WWP2: variants seen among roughly 807,000 people sequenced by gnomAD.
WWP2 encodes WW domain containing E3 ubiquitin protein ligase 2.
Under a neutral mutation model 121.0 loss-of-function variants are expected in WWP2, and 57 were observed. That is an observed-to-expected ratio of 0.47 (90% CI 0.38 to 0.59). WWP2 has a LOEUF of 0.59. Ranked by LOEUF, WWP2 falls within the 20% of genes least tolerant of loss-of-function variation. The pLI is 0.00. For synonymous variants in WWP2, 449 were observed against 441.3 expected (o/e 1.02, Z -0.22); for missense variants, 962 against 1,158.9 (o/e 0.83, Z 2.47).
chr16:69,831,941 G>A (rs1302442658), intron 4 of WWP2, among the ~76,000 whole-genome samples: 1 of 143,038 alleles, frequency 7.0e-6, no homozygotes, highest in Non-Finnish European at 1.5e-5. Context: ...CGATTATTCC[G>A]CCTCAGCCCC....
chr16:69,786,909 C>G, intron 1 of WWP2, 87 bp from the exon 2 acceptor site: 1 of 1,230,650 alleles, frequency 8.1e-7, no homozygotes. Context: ...TTGCCTGTTT[C>G]TTTAAGCTTA....
At chr16:69,838,737 A>G (rs2151868697) in intron 4 of WWP2, 1 of 985,422 alleles carries the variant, frequency 1.0e-6, no homozygotes, top group East Asian at 1.1e-4. Flanking sequence ...TACAAGTGTT[A>G]TTTTATAGAA....
At chr16:69,890,519 T>A (rs1166109766) in intron 8 of WWP2, among the ~76,000 whole-genome samples, 3 of 152,026 alleles carry the variant, frequency 2.0e-5, no homozygotes, top group African/African-American at 7.3e-5. Context: ...TGGTTTGTAA[T>A]TTCAAGCCTG....
intron 6 of WWP2, among the ~76,000 whole-genome samples, chr16:69,855,110 G>A (rs1199510653): frequency 6.6e-6 from 1 of 152,232 alleles, no homozygotes; most frequent in Non-Finnish European, 1.5e-5. Context: ...GCCTTCCAAA[G>A]TGCTGGGATT....
intron 4 of WWP2, among the ~76,000 whole-genome samples, chr16:69,814,035 C>T (rs1198276321): frequency 6.6e-6 from 1 of 152,176 alleles, no homozygotes; most frequent in African/African-American, 2.4e-5. Context: ...GGAAATATGT[C>T]AGACACCTAA....
intron 8 of WWP2, among the ~76,000 whole-genome samples, chr16:69,904,860 A>G (rs898939917): frequency 6.6e-6 from 1 of 152,222 alleles, no homozygotes; most frequent in African/African-American, 2.4e-5. Flanking sequence ...ATGCTATTTA[A>G]TGGTGTTTGT....
chr16:69,779,279 A>T (rs1028145820), intron 1 of WWP2, among the ~76,000 whole-genome samples: 5 of 152,168 alleles, frequency 3.3e-5, no homozygotes, highest in Non-Finnish European at 5.9e-5. Flanking sequence ...TTATGCATCA[A>T]TTGGAAAGGT....
At position 69,930,257 on chromosome 16, in the gene WWP2, G is replaced by T. The variant is rs2058693463; in HGVS notation, c.1444G>T (p.Gly482Trp). 3.1e-6 allele frequency: 5 copies of T among 1,613,880 alleles called. No individual in the cohort carries two copies. Among genetic ancestry groups the T allele is most frequent in the Non-Finnish European group, 3.4e-6 (4 of 1,179,866 alleles). ...GGATCCTCGCCCGGGGTTTGAGTCG[G>T]GGTAAGGACTTTGTGCAGGTAGCAG... ...FKDPRPGFESGTKQGSPGAYD... is the reference protein window; with the variant it reads ...FKDPRPGFESWTKQGSPGAYD... The change falls in exon 13 of 24, where the codon GGG (glycine) becomes TGG (tryptophan). Residue 482 changes from glycine (G) to tryptophan (W), a missense_variant and splice_region_variant. By Grantham distance (184) the Gly-to-Trp change is radical (BLOSUM62 -2). Transcript: ENST00000359154.
intron 4 of WWP2, among the ~76,000 whole-genome samples, chr16:69,820,827 C>T (rs922959415): frequency 7.9e-5 from 4 of 50,476 alleles, no homozygotes; most frequent in Admixed American, 2.7e-4. Context: ...CATGCATATA[C>T]ACACACACAC....
intron 6 of WWP2, among the ~76,000 whole-genome samples, chr16:69,869,462 G>A (rs72785033): frequency 0.055 from 8,310 of 150,900 alleles, 286 homozygotes; most frequent in Middle Eastern, 0.11. Flanking sequence ...TCCTGCCTTG[G>A]CCTCCCAAGT....
chr16:69,773,486 C>CT (rs1264783224), intron 1 of WWP2, among the ~76,000 whole-genome samples: 2 of 149,352 alleles, frequency 1.3e-5, no homozygotes, highest in Admixed American at 6.7e-5. Context: ...GCCACCTTTT[C>CT]TTTTTTTTCT....
Position 69,897,675 on chromosome 16 carries a change from C to T in WWP2, c.914+9426C>T, listed in dbSNP as rs549063128. On this transcript the variant is annotated intron_variant, in intron 8 of 23. Transcript: ENST00000359154. ...CTGTAATCCCAGCACTTTGGGAGGC[C>T]GAGCTGGGTGGATCACAAGGTCAGG... Among the ~76,000 whole-genome samples the T allele has an allele frequency of 5.7e-4, 87 of 152,100 alleles. 3 individuals are homozygous for T. In the South Asian group the frequency reaches 0.017, roughly 29 times the overall value.
At chr16:69,810,553 G>T (rs150645041) in intron 4 of WWP2, among the ~76,000 whole-genome samples, 2 of 150,548 alleles carry the variant, frequency 1.3e-5, no homozygotes, top group African/African-American at 4.9e-5. Flanking sequence ...TCAGCCTCCC[G>T]AGTAGCTGGG....
intron 4 of WWP2, among the ~76,000 whole-genome samples, chr16:69,814,148 A>G (rs1411028374): frequency 3.9e-5 from 6 of 152,108 alleles, no homozygotes; most frequent in African/African-American, 7.2e-5. Flanking sequence ...TTGCATACCA[A>G]ATGTGGGGTC....
chr16:69,867,699 A>G (rs1470743005), intron 6 of WWP2, among the ~76,000 whole-genome samples: 1 of 152,222 alleles, frequency 6.6e-6, no homozygotes, highest in African/African-American at 2.4e-5. Flanking sequence ...GACACACCGC[A>G]TCCTGAGAAG....
intron 4 of WWP2, chr16:69,827,853 C>T (rs572754647): frequency 4.4e-6 from 2 of 454,536 alleles, no homozygotes; most frequent in East Asian, 1.4e-4. Context: ...ATAATTTATT[C>T]TAAAGACTTA....
intron 4 of WWP2, chr16:69,838,997 G>C (rs2056926214): frequency 2.9e-6 from 1 of 350,608 alleles, no homozygotes; most frequent in Non-Finnish European, 3.9e-6. Flanking sequence ...GTCTTTTTTG[G>C]GGGGGTGGGG....
chr16:69,878,186 C>G (rs1334504090), intron 7 of WWP2, among the ~76,000 whole-genome samples: 2 of 152,140 alleles, frequency 1.3e-5, no homozygotes, highest in African/African-American at 4.8e-5. Context: ...GATCACTGGT[C>G]ACAGATCTCC....
chr16:69,890,009 C>T (rs1294186482), intron 8 of WWP2, among the ~76,000 whole-genome samples: 2 of 151,956 alleles, frequency 1.3e-5, no homozygotes, highest in East Asian at 3.9e-4. Flanking sequence ...GGCTGGAGTG[C>T]AGTAGTACAG....
Sources: gnomAD v4.1 joint callset for allele counts (sites outside exome capture counted in the v4.1 genomes callset) on GRCh38, gnomAD v4.1.1 for gene constraint, MANE v1.5 for transcripts, NCBI Gene and HGNC (gene_info 2026-07-23, HGNC 2026-07-21) for gene names.